Variants in PANX1 observed in about 807,000 individuals in gnomAD.
PANX1 encodes pannexin 1, also known as pannexin-1.
Under a neutral mutation model 38.7 loss-of-function variants are expected in PANX1, and 30 were observed. That is an observed-to-expected ratio of 0.78 (90% CI 0.58 to 1.05). PANX1 has a LOEUF of 1.05. Among genes scored for constraint, PANX1 ranks in the 50% least tolerant of loss-of-function variants. The pLI, the probability that PANX1 is intolerant of heterozygous loss-of-function variation, is 0.00. For missense variants in PANX1, 551 were observed against 517.2 expected (o/e 1.07, Z -0.63); for synonymous variants, 230 against 212.2 (o/e 1.08, Z -0.73).
rs979449385 is a variant in PANX1, at chr11:94,165,394, C to T, written c.321+11764C>T. 9.2e-5 allele frequency among the ~76,000 whole-genome samples: 14 copies of T among 151,700 alleles called. No homozygotes were observed. In the South Asian group the frequency reaches 1.7e-3, roughly 18 times the overall value. ...TAAGTTTTAGGGTACATGTGCACAA[C>T]GTGCAGGTTTGTTACTAATGAGCAA... is the stretch of plus-strand genomic sequence containing the variant. On this transcript the variant is annotated intron_variant, in intron 2 of 4. Coordinates refer to ENST00000227638, the MANE Select transcript of PANX1 (RefSeq NM_015368.4).
chr11:94,129,615 G>GGGCA (rs1300871871), intron 1 of PANX1, 122 bp downstream of exon 1: 9 of 859,734 alleles, frequency 1.0e-5, no homozygotes, highest in South Asian at 1.8e-5. Flanking sequence ...GCGTCAGGAA[G>GGGCA]GGCAGTGGCC....
chr11:94,130,119 G>C (rs1413378363), intron 1 of PANX1, among the ~76,000 whole-genome samples: 1 of 152,192 alleles, frequency 6.6e-6, no homozygotes. Flanking sequence ...TGTGAGATTG[G>C]AAAGTCTGGT....
chr11:94,139,937 G>C (rs963886038), intron 1 of PANX1, among the ~76,000 whole-genome samples: 3 of 152,208 alleles, frequency 2.0e-5, no homozygotes, highest in African/African-American at 7.2e-5. Context: ...AGTCACTCTA[G>C]CAAATGAATG....
intron 3 of PANX1, among the ~76,000 whole-genome samples, 199 bp downstream of exon 3, chr11:94,178,791 C>T (rs1024916658): frequency 1.3e-5 from 2 of 152,156 alleles, no homozygotes; most frequent in Non-Finnish European, 2.9e-5. Flanking sequence ...CCATCCTACC[C>T]ATTTGTTTAT....
At chr11:94,150,736 G>A (rs946855209) in intron 1 of PANX1, among the ~76,000 whole-genome samples, 102 of 152,204 alleles carry the variant, frequency 6.7e-4, no homozygotes, top group African/African-American at 2.4e-3. Flanking sequence ...TGACATCCTT[G>A]ACTTGGTTTC....
rs76547489 is a variant in PANX1 at position 94,169,739 on chromosome 11, G to A, written c.322-8630G>A. Reference sequence around the variant, plus strand: ...AAGCCAAGGAATGCTGGGGCGACTGGAAGCTGGAAGACGCTGGGAGGATCC... The same window carrying A: ...AAGCCAAGGAATGCTGGGGCGACTGAAAGCTGGAAGACGCTGGGAGGATCC... On this transcript the variant is annotated intron_variant, in intron 2 of 4. Transcript: ENST00000227638. 4.3e-3 allele frequency among the ~76,000 whole-genome samples: 654 copies of A among 151,758 alleles called. 28 individuals carry two copies. Among genetic ancestry groups the A allele is most frequent in the African/African-American group, 0.015 (621 of 41,062 alleles).
intron 2 of PANX1, among the ~76,000 whole-genome samples, chr11:94,164,645 G>A (rs1212791173): frequency 6.6e-6 from 1 of 152,244 alleles, no homozygotes; most frequent in Non-Finnish European, 1.5e-5. Flanking sequence ...CTAAAGAGCA[G>A]AATGTTCTGC....
intron 1 of PANX1, among the ~76,000 whole-genome samples, chr11:94,137,627 T>G (rs1946710150): frequency 1.4e-5 from 2 of 143,800 alleles, no homozygotes; most frequent in African/African-American, 5.2e-5. Context: ...CTAAAGAGAA[T>G]CTACCATCTG....
chr11:94,154,685 G>T (rs1481533709), intron 2 of PANX1, among the ~76,000 whole-genome samples: 1 of 152,140 alleles, frequency 6.6e-6, no homozygotes. Context: ...CAATGTGGGG[G>T]TCGGGGCACT....
intron 2 of PANX1, among the ~76,000 whole-genome samples, chr11:94,167,008 T>C (rs1258274850): frequency 6.6e-6 from 1 of 152,104 alleles, no homozygotes; most frequent in African/African-American, 2.4e-5. Context: ...AGTCAGTTGG[T>C]GGTGAAGCCA....
intron 1 of PANX1, among the ~76,000 whole-genome samples, chr11:94,142,129 GC>G (rs1284282318): frequency 6.6e-6 from 1 of 152,132 alleles, no homozygotes; most frequent in Non-Finnish European, 1.5e-5. Context: ...ACTGCGTGGG[GC>G]AAGCTCACAG....
chr11:94,135,581 T>A (rs1225377077), intron 1 of PANX1, among the ~76,000 whole-genome samples: 1 of 152,174 alleles, frequency 6.6e-6, no homozygotes, highest in Non-Finnish European at 1.5e-5. Flanking sequence ...TAATAGAACA[T>A]CTTCAACTCA....
intron 2 of PANX1, among the ~76,000 whole-genome samples, chr11:94,177,973 C>G (rs2134525495): frequency 6.7e-6 from 1 of 149,628 alleles, no homozygotes; most frequent in Admixed American, 6.7e-5. Flanking sequence ...AGCCGTATGC[C>G]TTAGTTGCTT....
intron 2 of PANX1, among the ~76,000 whole-genome samples, chr11:94,165,795 A>T (rs1385712139): frequency 6.6e-6 from 1 of 152,184 alleles, no homozygotes; most frequent in African/African-American, 2.4e-5. Flanking sequence ...CTGTAATCCC[A>T]GCTACTCGGG....
At position 94,178,484 on chromosome 11, in the gene PANX1, T is replaced by C. The variant is rs1161634323; in HGVS notation, c.437T>C (p.Leu146Pro). 2.5e-6 allele frequency: 4 copies of C among 1,614,014 alleles called. No homozygotes were observed. In the African/African-American group the frequency reaches 5.3e-5, roughly 22 times the overall value. ...CSDLKFIMEE[L>P]DKVYNRAIKA... ...GACTTGAAGTTTATCATGGAAGAAC[T>C]TGACAAAGTTTACAACCGTGCAATT... The change falls in exon 3 of 5, where the codon CTT (leucine) becomes CCT (proline). Residue 146 changes from leucine to proline, a missense_variant. Leu to Pro is a moderately conservative substitution (Grantham distance 98). Transcript: ENST00000227638.
In PANX1 at chr11:94,173,241, G is replaced by C. The variant is rs554084551; in HGVS notation, c.322-5128G>C. On this transcript the variant is annotated intron_variant, in intron 2 of 4. Coordinates refer to ENST00000227638, the MANE Select transcript of PANX1 (RefSeq NM_015368.4). ...TTCTTCCAAGATTCTCTTTTTGCCT[G>C]ACCCTTAAATGTTATAGGGTCTCAG... 9.2e-5 allele frequency among the ~76,000 whole-genome samples: 14 copies of C among 151,596 alleles called. No homozygotes were observed. In the East Asian group the frequency reaches 2.5e-3, roughly 27 times the overall value.
At chr11:94,130,839 T>C (rs1946621600) in intron 1 of PANX1, among the ~76,000 whole-genome samples, 1 of 150,920 alleles carries the variant, frequency 6.6e-6, no homozygotes, top group African/African-American at 2.4e-5. Context: ...GTTGAGGGAA[T>C]AGTTGATTAG....
At position 94,163,913 on chromosome 11, in the gene PANX1, C is replaced by T. The variant is rs12420523; in HGVS notation, c.321+10283C>T. 6.2e-3 allele frequency among the ~76,000 whole-genome samples: 947 copies of T among 152,170 alleles called. 31 individuals carry two copies. The highest frequency in any genetic ancestry group is 0.047 in the Admixed American group (719 of 15,288). ...ATTACTGCCTCTCCCTTGTTACTTG[C>T]TATTGGTCTATTCAGGTTTTGTATT... On this transcript the variant is annotated intron_variant, in intron 2 of 4. Transcript: ENST00000227638.
intron 1 of PANX1, among the ~76,000 whole-genome samples, chr11:94,136,115 C>T (rs1946685999): frequency 6.6e-6 from 1 of 152,064 alleles, no homozygotes; most frequent in African/African-American, 2.4e-5. Flanking sequence ...AGACTAGTCG[C>T]AGCAGTATCA....
Sources: allele counts gnomAD v4.1 joint callset (sites outside exome capture counted in the v4.1 genomes callset), GRCh38; gene constraint gnomAD v4.1.1; transcripts MANE v1.5; gene names NCBI Gene and HGNC (gene_info 2026-07-23, HGNC 2026-07-21).